The following SPOP variants were observed in gnomAD, a reference collection of about 807,000 sequenced individuals.
SPOP encodes the protein speckle type BTB/POZ protein.
In SPOP, 11 loss-of-function variants were observed where a neutral mutation model predicts 45.6. The observed-to-expected ratio is 0.24, with a 90% confidence interval of 0.15 to 0.40. The LOEUF (loss-of-function observed/expected upper bound fraction) is 0.40. Among genes scored for constraint, SPOP ranks in the 10% least tolerant of loss-of-function variants. The probability of loss-of-function intolerance (pLI) is 1.00; values close to 1 mark genes in which losing one functional copy is unlikely to be tolerated. For missense variants in SPOP, 152 were observed against 465.6 expected (o/e 0.33, Z 6.20); for synonymous variants, 166 against 166.3 (o/e 1.00, Z 0.01).
At chr17:49,630,163 T>A (rs2072422987) in intron 1 of SPOP, among the ~76,000 whole-genome samples, 2 of 152,168 alleles carry the variant, frequency 1.3e-5, no homozygotes, top group Non-Finnish European at 2.9e-5. Flanking sequence ...AAACAGAAGA[T>A]GCCAAAAAGA....
At chr17:49,675,724 T>G (rs2073190408) in intron 1 of SPOP, among the ~76,000 whole-genome samples, 1 of 152,120 alleles carries the variant, frequency 6.6e-6, no homozygotes, top group Non-Finnish European at 1.5e-5. Flanking sequence ...ACAAAATGTT[T>G]CTAGAAAAAA....
At chr17:49,611,741 C>A (rs1193330100) in intron 5 of SPOP, among the ~76,000 whole-genome samples, 1 of 152,126 alleles carries the variant, frequency 6.6e-6, no homozygotes, top group East Asian at 1.9e-4. Flanking sequence ...GGACTACAAA[C>A]CTGGGCAAAG....
Position 49,619,517 on chromosome 17 carries a change from A to G in SPOP, c.201-132T>C. 9.7e-7 allele frequency: 1 copy of G among 1,035,192 alleles called. No individual in the cohort carries two copies. Among genetic ancestry groups the G allele is most frequent in the Middle Eastern group, 3.2e-4 (1 of 3,146 alleles). 64.1% of individuals were successfully genotyped at this position (1,035,192 alleles called of 1,614,324 possible). The stretch of plus-strand genomic sequence containing the variant: ...TAGAAGAATATAATTCAGTAGAATG[A>G]CTAGTTGGGAACAACTTTTTTCTCT... On this transcript the variant is annotated intron_variant, in intron 3 of 9. Transcript: ENST00000504102. The surrounding 1 kb of genome is among the most constrained non-coding windows in gnomAD (Gnocchi z 4.9).
chr17:49,661,407 T>G (rs1359426397), intron 1 of SPOP, among the ~76,000 whole-genome samples: 1 of 152,148 alleles, frequency 6.6e-6, no homozygotes, highest in Non-Finnish European at 1.5e-5. Flanking sequence ...CTCCACATTT[T>G]CACTCATGAC....
chr17:49,603,222 A>G (rs1218213199), intron 8 of SPOP, among the ~76,000 whole-genome samples: 1 of 152,232 alleles, frequency 6.6e-6, no homozygotes, highest in African/African-American at 2.4e-5. Context: ...AATTTTTTAC[A>G]TTTGAGTAAC....
At chr17:49,644,709 C>T (rs2072721796) in intron 1 of SPOP, among the ~76,000 whole-genome samples, 1 of 152,064 alleles carries the variant, frequency 6.6e-6, no homozygotes, top group Non-Finnish European at 1.5e-5. Context: ...AATAAGACTG[C>T]TGCAGAACTT....
intron 6 of SPOP, among the ~76,000 whole-genome samples, chr17:49,610,932 C>T (rs928654510): frequency 6.6e-6 from 1 of 152,174 alleles, no homozygotes; most frequent in Non-Finnish European, 1.5e-5. Flanking sequence ...AGTATAGAAT[C>T]CTCTCCATTA....
At chr17:49,669,778 A>AT (rs1360700758) in intron 1 of SPOP, among the ~76,000 whole-genome samples, 2 of 151,284 alleles carry the variant, frequency 1.3e-5, no homozygotes, top group Non-Finnish European at 2.9e-5. Context: ...AAAAAAAAAA[A>AT]AAAAAATTAA....
intron 1 of SPOP, among the ~76,000 whole-genome samples, chr17:49,666,358 A>G (rs1317607617): frequency 6.6e-6 from 1 of 151,932 alleles, no homozygotes; most frequent in East Asian, 1.9e-4. Flanking sequence ...TAGAGACCTA[A>G]AGGTGAAAAG....
In SPOP at chr17:49,623,529, G is replaced by T. The variant is rs187589500; in HGVS notation, c.-66-653C>A. 8.5e-5 allele frequency among the ~76,000 whole-genome samples: 13 copies of T among 152,064 alleles called. No homozygotes were observed. The East Asian group carries it at 2.3e-3, about 27-fold the overall frequency. On this transcript the variant is annotated intron_variant, in intron 1 of 9. Coordinates refer to ENST00000504102, the MANE Select transcript of SPOP (RefSeq NM_001007228.2). Reference sequence around the variant, plus strand: ...AACTTGCCATGGGCTCCTTCCTTTGGGGTAAAAATACTCTACTCCTAAAGC... The same window carrying T: ...AACTTGCCATGGGCTCCTTCCTTTGTGGTAAAAATACTCTACTCCTAAAGC...
At chr17:49,607,750 T>C in intron 7 of SPOP, 124 bp downstream of exon 7, 2 of 884,520 alleles carry the variant, frequency 2.3e-6, no homozygotes, top group Non-Finnish European at 1.8e-6. Context: ...AGAAGGAGTT[T>C]AGGGACTCAT....
chr17:49,607,557 T>C (rs185233792), intron 7 of SPOP, among the ~76,000 whole-genome samples, 185 bp from the exon 8 acceptor site: 3 of 152,344 alleles, frequency 2.0e-5, no homozygotes, highest in African/African-American at 7.2e-5. Context: ...TGTTCCATCT[T>C]TGTTTTCTTA....
intron 1 of SPOP, among the ~76,000 whole-genome samples, chr17:49,658,085 A>C (rs2072939021): frequency 6.6e-6 from 1 of 152,318 alleles, no homozygotes; most frequent in Non-Finnish European, 1.5e-5. Flanking sequence ...TTAATCCATA[A>C]AACAGAATTC....
chr17:49,669,293 C>G (rs2073105713), intron 1 of SPOP, among the ~76,000 whole-genome samples: 1 of 146,114 alleles, frequency 6.8e-6, no homozygotes, highest in Admixed American at 6.8e-5. Context: ...TCTTGAACTC[C>G]CGACCTCAGG....
At chr17:49,604,918 GCTGT>G (rs1257090242) in intron 8 of SPOP, among the ~76,000 whole-genome samples, 1 of 152,190 alleles carries the variant, frequency 6.6e-6, no homozygotes, top group African/African-American at 2.4e-5. Context: ...TTGGAGAAAT[GCTGT>G]CTATCATAAT....
intron 8 of SPOP, among the ~76,000 whole-genome samples, chr17:49,605,313 G>A (rs140923640): frequency 5.2e-4 from 79 of 152,252 alleles, no homozygotes; most frequent in African/African-American, 1.7e-3. Context: ...AAAAGATTAC[G>A]GCCATGCCTC....
chr17:49,671,053 A>T (rs1191738481), intron 1 of SPOP, among the ~76,000 whole-genome samples: 5 of 152,068 alleles, frequency 3.3e-5, no homozygotes, highest in Non-Finnish European at 5.9e-5. Flanking sequence ...ATCTTAGAAA[A>T]AAACAAGTTT....
At position 49,600,763 on chromosome 17, in the gene SPOP, C is replaced by G. The variant is rs567247244; in HGVS notation, c.981-241G>C. 149 of 494,658 alleles carry G rather than the reference C, an allele frequency of 3.0e-4. No homozygotes were observed. The highest frequency in any genetic ancestry group is 2.7e-3 in the African/African-American group (141 of 51,936). The allele number at this position is 494,658 out of a possible 1,614,324, so 30.6% of individuals were successfully genotyped here. On this transcript the variant is annotated intron_variant, in intron 9 of 9. Transcript: ENST00000504102. The surrounding 1 kb of genome is among the most constrained non-coding windows in gnomAD (Gnocchi z 4.2). ...CCACTATATTCTCAAAAACAAAAAG[C>G]AGAATGTTCCCCAGGCCCCCAACAC...
intron 1 of SPOP, among the ~76,000 whole-genome samples, chr17:49,626,538 T>C (rs1277697023): frequency 6.6e-6 from 1 of 151,884 alleles, no homozygotes; most frequent in Non-Finnish European, 1.5e-5. Flanking sequence ...CTACTAAAAA[T>C]ACAAAAATTA....
Sources: allele counts gnomAD v4.1 joint callset (sites outside exome capture counted in the v4.1 genomes callset), GRCh38; gene constraint gnomAD v4.1.1; non-coding constraint Gnocchi (gnomAD v3.1); transcripts MANE v1.5; gene names NCBI Gene and HGNC (gene_info 2026-07-23, HGNC 2026-07-21).